Variants in EYS observed in about 807,000 individuals in gnomAD.
EYS encodes protein eyes shut homolog.
Under a neutral mutation model 282.1 loss-of-function variants are expected in EYS, and 250 were observed. The ratio of observed to expected loss-of-function variants is 0.89; its 90% CI spans 0.80 to 0.98. The LOEUF (loss-of-function observed/expected upper bound fraction) is 0.98. Among genes scored for constraint, EYS ranks in the 50% least tolerant of loss-of-function variants. The probability of loss-of-function intolerance (pLI) is 0.00; values close to 1 mark genes in which losing one functional copy is unlikely to be tolerated. For synonymous variants in EYS, 1,355 were observed against 1,282.9 expected (o/e 1.06, Z -1.20); for missense variants, 4,016 against 3,709.0 (o/e 1.08, Z -2.15).
At chr6:64,902,333 A>G (rs563629739) in intron 17 of EYS, 71 bp downstream of exon 17, 1 of 1,322,300 alleles carries the variant, frequency 7.6e-7, no homozygotes, top group African/African-American at 1.5e-5. Flanking sequence ...TAATTCACCA[A>G]TTAAAATTCT....
At chr6:64,770,681 C>G (rs1773499023) in intron 22 of EYS, among the ~76,000 whole-genome samples, 1 of 151,794 alleles carries the variant, frequency 6.6e-6, no homozygotes, top group South Asian at 2.1e-4. Flanking sequence ...CTATCACAGT[C>G]AAAGTGCTCT....
chr6:64,723,859 A>AAG (rs1343262199), intron 22 of EYS, among the ~76,000 whole-genome samples: 1 of 152,072 alleles, frequency 6.6e-6, no homozygotes, highest in African/African-American at 2.4e-5. Context: ...TAGCCTCAGC[A>AAG]GTTTTAGCCT....
At chr6:64,255,243 CA>C (rs1302150670) in intron 30 of EYS, among the ~76,000 whole-genome samples, 2 of 151,942 alleles carry the variant, frequency 1.3e-5, no homozygotes, top group African/African-American at 4.8e-5. Context: ...AACTGAGACC[CA>C]GTCTTGCAAA....
chr6:65,601,730 G>C (rs354345), intron 2 of EYS, among the ~76,000 whole-genome samples: 21,193 of 151,898 alleles, frequency 0.14, 1,648 homozygotes, highest in South Asian at 0.31. Context: ...GTTTCAAGAA[G>C]TGAATTTGTG....
intron 11 of EYS, among the ~76,000 whole-genome samples, chr6:65,333,385 G>A (rs1769866288): frequency 2.0e-5 from 3 of 151,450 alleles, no homozygotes; most frequent in East Asian, 3.9e-4. Flanking sequence ...ATTCAATTTT[G>A]GTCAGATAAT....
intron 22 of EYS, among the ~76,000 whole-genome samples, chr6:64,644,869 T>A (rs10944656): frequency 0.6 from 90,967 of 151,992 alleles, 27,399 homozygotes; most frequent in South Asian, 0.66. Context: ...AAAAAAGATG[T>A]ACATTTACTG....
At chr6:65,562,790 T>C (rs979041910) in intron 2 of EYS, among the ~76,000 whole-genome samples, 3 of 152,110 alleles carry the variant, frequency 2.0e-5, no homozygotes, top group Admixed American at 1.3e-4. Flanking sequence ...CTTTGGTAAC[T>C]GTTAAAAATG....
At chr6:64,627,164 T>C (rs955980510) in intron 22 of EYS, among the ~76,000 whole-genome samples, 2 of 152,224 alleles carry the variant, frequency 1.3e-5, no homozygotes, top group Non-Finnish European at 2.9e-5. Flanking sequence ...AGGTATTTTA[T>C]GAATGCTAAG....
chr6:64,068,420 A>G (rs1771454061), intron 32 of EYS, among the ~76,000 whole-genome samples: 1 of 151,652 alleles, frequency 6.6e-6, no homozygotes, highest in African/African-American at 2.4e-5. Context: ...AGTTTTGATG[A>G]ATGTAAATTC....
chr6:64,859,027 T>C (rs1766154692), intron 19 of EYS, among the ~76,000 whole-genome samples: 1 of 151,800 alleles, frequency 6.6e-6, no homozygotes, highest in Non-Finnish European at 1.5e-5. Flanking sequence ...TAATAGAAAA[T>C]GAAGAATTGA....
chr6:63,884,080 T>G (rs1185147607), intron 35 of EYS, among the ~76,000 whole-genome samples: 2 of 152,198 alleles, frequency 1.3e-5, no homozygotes, highest in African/African-American at 4.8e-5. Flanking sequence ...TACTATGCTG[T>G]GAAGGATTGT....
intron 12 of EYS, among the ~76,000 whole-genome samples, chr6:65,180,545 C>G (rs149655757): frequency 6.6e-6 from 1 of 151,744 alleles, no homozygotes; most frequent in Admixed American, 6.6e-5. Flanking sequence ...CACTGCTCAA[C>G]GAAATAAAAG....
At chr6:65,593,434 T>C (rs1238235210) in intron 2 of EYS, among the ~76,000 whole-genome samples, 1 of 152,056 alleles carries the variant, frequency 6.6e-6, no homozygotes, top group African/African-American at 2.4e-5. Flanking sequence ...ATCAATGCCT[T>C]AGGGCATGGG....
chr6:64,859,170 T>C (rs991755605), intron 19 of EYS, among the ~76,000 whole-genome samples: 2 of 150,314 alleles, frequency 1.3e-5, no homozygotes, highest in Non-Finnish European at 3.0e-5. Flanking sequence ...ATCAATAACA[T>C]TTCTATATGC....
intron 5 of EYS, among the ~76,000 whole-genome samples, chr6:65,451,075 G>C (rs1764378356): frequency 6.6e-6 from 1 of 151,730 alleles, no homozygotes; most frequent in Non-Finnish European, 1.5e-5. Context: ...ACTGGTATTA[G>C]TGTTGTTATC....
intron 35 of EYS, among the ~76,000 whole-genome samples, chr6:63,944,595 C>G (rs1395567047): frequency 6.6e-6 from 1 of 152,060 alleles, no homozygotes; most frequent in East Asian, 1.9e-4. Flanking sequence ...CACTTTACAT[C>G]TACTCTTAGC....
At chr6:65,495,671 G>A in intron 3 of EYS, 64 bp from the exon 4 acceptor site, 1 of 532,670 alleles carries the variant, frequency 1.9e-6, no homozygotes, top group South Asian at 2.2e-5. Context: ...TATAGAAAAT[G>A]CTAGCTCTTT....
At chr6:65,080,579 C>T (rs1312312326) in intron 12 of EYS, among the ~76,000 whole-genome samples, 1 of 151,996 alleles carries the variant, frequency 6.6e-6, no homozygotes, top group Non-Finnish European at 1.5e-5. Context: ...CTGTGGCTCA[C>T]TATGGGCAGC....
At chr6:64,322,893 C>T (rs1017958145) in intron 29 of EYS, among the ~76,000 whole-genome samples, 1 of 151,932 alleles carries the variant, frequency 6.6e-6, no homozygotes, top group Admixed American at 6.6e-5. Flanking sequence ...CTGTTTCTCT[C>T]CAGTTTACTC....
Sources: allele counts gnomAD v4.1 joint callset (sites outside exome capture counted in the v4.1 genomes callset), GRCh38; gene constraint gnomAD v4.1.1; transcripts MANE v1.5; gene names NCBI Gene and HGNC (gene_info 2026-07-23, HGNC 2026-07-21).